TSTD2: variants seen among roughly 807,000 people sequenced by gnomAD.
TSTD2 encodes the protein thiosulfate sulfurtransferase like domain containing 2, also known as thiosulfate sulfurtransferase/rhodanese-like domain-containing protein 2.
In TSTD2, 37 loss-of-function variants were observed where a neutral mutation model predicts 47.9. The observed-to-expected ratio is 0.77, with a 90% CI of 0.59 to 1.02. TSTD2 has a LOEUF of 1.02. Ranked by LOEUF, TSTD2 falls within the 50% of genes least tolerant of loss-of-function variation. The pLI is 0.00. For synonymous variants in TSTD2, 201 were observed against 215.9 expected, an observed-to-expected ratio of 0.93 and a Z score of 0.61; for missense variants, 586 against 616.0, an observed-to-expected ratio of 0.95 and a Z score of 0.52.
At chr9:97,617,899 C>G (rs1205422761) in intron 3 of TSTD2, 22 bp from the exon 4 acceptor site, 11 of 1,602,356 alleles carry the variant, frequency 6.9e-6, no homozygotes, top group African/African-American at 1.3e-5. Flanking sequence ...AAATCCAAGG[C>G]AAAGAGCATT....
intron 4 of TSTD2, 84 bp downstream of exon 4, chr9:97,617,673 T>C: frequency 6.8e-7 from 1 of 1,467,558 alleles, no homozygotes; most frequent in Non-Finnish European, 9.1e-7. Context: ...GTGAATCTTT[T>C]TTATAATGAG....
At chr9:97,627,719 A>G in intron 1 of TSTD2, 107 bp from the exon 2 acceptor site, 1 of 657,220 alleles carries the variant, frequency 1.5e-6, no homozygotes, top group South Asian at 2.3e-5. Context: ...AGCCCAAGCT[A>G]ACCATCCATT....
At chr9:97,632,025 G>C (rs531739016) in intron 1 of TSTD2, among the ~76,000 whole-genome samples, 1 of 152,134 alleles carries the variant, frequency 6.6e-6, no homozygotes, top group African/African-American at 2.4e-5. Flanking sequence ...AGCGCCAAGA[G>C]AGCAGGGGTT....
intron 8 of TSTD2, 80 bp from the exon 9 acceptor site, chr9:97,604,945 G>A (rs1826340807): frequency 3.8e-6 from 6 of 1,565,978 alleles, no homozygotes; most frequent in Admixed American, 1.8e-5. Context: ...GGCGCATGGC[G>A]AGGAGTGCTG....
intron 6 of TSTD2, among the ~76,000 whole-genome samples, chr9:97,608,828 C>G (rs1826410649): frequency 6.6e-6 from 1 of 152,206 alleles, no homozygotes; most frequent in South Asian, 2.1e-4. Context: ...GCATGAGTCT[C>G]TTTCCCAGAT....
intron 3 of TSTD2, among the ~76,000 whole-genome samples, chr9:97,623,878 CACAA>C (rs1472685590): frequency 2.0e-5 from 3 of 151,880 alleles, no homozygotes; most frequent in Non-Finnish European, 2.9e-5. Flanking sequence ...GAAAAAACCT[CACAA>C]ACAATGTCAA....
chr9:97,622,489 A>G (rs1339082909), intron 3 of TSTD2, among the ~76,000 whole-genome samples: 1 of 152,250 alleles, frequency 6.6e-6, no homozygotes, highest in African/African-American at 2.4e-5. Flanking sequence ...CAGAGCCCCA[A>G]CACAGAGTTC....
rs1459378345 is a variant in TSTD2, at chr9:97,601,457, G to GAGTA, written c.*1008_*1011dup. 1 of 1,014,350 alleles carries GAGTA rather than the reference G, an allele frequency of 9.9e-7. No individual in the cohort carries two copies. Among genetic ancestry groups the GAGTA allele is most frequent in the Non-Finnish European group, 1.2e-6 (1 of 846,946 alleles). The allele number at this position is 1,014,350 out of a possible 1,614,324, so 62.8% of individuals were successfully genotyped here. On this transcript the variant is annotated 3_prime_UTR_variant, in exon 10 of 10. Coordinates refer to ENST00000341170, the MANE Select transcript of TSTD2 (RefSeq NM_139246.5). ...CAGAGAGAACATTTAAAAGCTCAGA[G>GAGTA]AGTAAGTGCTGGGGAAAGCAGAGCT...
intron 6 of TSTD2, among the ~76,000 whole-genome samples, chr9:97,606,687 G>A (rs1033535301): frequency 3.9e-5 from 6 of 152,182 alleles, no homozygotes; most frequent in South Asian, 2.1e-4. Context: ...GGGCAAGTAC[G>A]TGGCTGACTA....
At position 97,633,291 on chromosome 9, in the gene TSTD2, G is replaced by A. The variant is rs1826875853; in HGVS notation, c.-99C>T. The A allele has an allele frequency of 3.7e-6, 1 of 269,676 alleles. No individual in the cohort carries two copies. The allele number at this position is 269,676 out of a possible 1,614,324, so 16.7% of individuals were successfully genotyped here. A position where few individuals can be genotyped will look rare whatever the true frequency, so the allele number is the denominator to read the frequency against. On this transcript the variant is annotated 5_prime_UTR_variant, in exon 1 of 10. Transcript: ENST00000341170. ...GGTCTCTCTTCCCTGCACTGTCTCC[G>A]CCTAGCAATTGTCACTGCTCACCGC... is the stretch of plus-strand genomic sequence containing the variant.
intron 9 of TSTD2, 69 bp downstream of exon 9, chr9:97,604,658 A>AT (rs780645995): frequency 1.2e-6 from 2 of 1,602,392 alleles, no homozygotes; most frequent in South Asian, 1.1e-5. Flanking sequence ...TCCCTGTGTC[A>AT]TTTTTCTAGA....
At chr9:97,611,801 A>G (rs1283541391) in intron 4 of TSTD2, 102 bp from the exon 5 acceptor site, 2 of 1,239,060 alleles carry the variant, frequency 1.6e-6, no homozygotes, top group African/African-American at 3.0e-5. Flanking sequence ...TTTAACAGGA[A>G]AAGCAGAGAC....
At position 97,600,445 on chromosome 9, in the gene TSTD2, G is replaced by A; in HGVS notation, c.*2024C>T. On this transcript the variant is annotated 3_prime_UTR_variant, in exon 10 of 10. Coordinates refer to ENST00000341170, the MANE Select transcript of TSTD2 (RefSeq NM_139246.5). ...GATTTATGTACAATTTAATACTGGA[G>A]TTAGAACTTTTTCCTTATTGAATGC... The A allele has an allele frequency of 1.0e-6, 1 of 985,620 alleles. No homozygotes were observed. The highest frequency in any genetic ancestry group is 1.2e-6 in the Non-Finnish European group (1 of 830,072). 61.1% of individuals were successfully genotyped at this position (985,620 alleles called of 1,614,324 possible).
chr9:97,618,768 A>G (rs1826584163), intron 3 of TSTD2, among the ~76,000 whole-genome samples: 1 of 152,176 alleles, frequency 6.6e-6, no homozygotes, highest in South Asian at 2.1e-4. Flanking sequence ...TTAAGGTCCT[A>G]TCCAGCTCTG....
In TSTD2 at chr9:97,621,143, C is replaced by T. The variant is rs1160919508; in HGVS notation, c.483-3266G>A. On this transcript the variant is annotated intron_variant, in intron 3 of 9. Transcript: ENST00000341170. ...AGATTTCATGGACATTTATTAGTTC[C>T]CCAAATTAATACTTTTATAATTTAT... 4.6e-5 allele frequency among the ~76,000 whole-genome samples: 7 copies of T among 152,264 alleles called. No homozygotes were observed. In the East Asian group the frequency reaches 1.4e-3, roughly 29 times the overall value.
At chr9:97,603,728 C>T (rs1308878209) in intron 9 of TSTD2, among the ~76,000 whole-genome samples, 1 of 152,200 alleles carries the variant, frequency 6.6e-6, no homozygotes, top group African/African-American at 2.4e-5. Flanking sequence ...GAGACAGGGT[C>T]TTGCTGTGTC....
chr9:97,622,229 G>C (rs1254281313), intron 3 of TSTD2, among the ~76,000 whole-genome samples: 1 of 152,230 alleles, frequency 6.6e-6, no homozygotes. Flanking sequence ...AGCCACTCTA[G>C]CTGTGACCGA....
In TSTD2 at chr9:97,611,518, T is replaced by G. The variant is rs1431105889; in HGVS notation, c.729+56A>C. 5.2e-6 allele frequency: 8 copies of G among 1,525,924 alleles called. No homozygotes were observed. The Admixed American group carries it at 1.1e-4, about 20-fold the overall frequency. The allele number at this position is 1,525,924 out of a possible 1,614,324, so 94.5% of individuals were successfully genotyped here. On this transcript the variant is annotated intron_variant, in intron 5 of 9. Transcript: ENST00000341170. The stretch of plus-strand genomic sequence containing the variant: ...TACTTTGAACTCCTCTTCAATAACA[T>G]GCACAGAGGCAGAAGCAGATGGCTC...
chr9:97,629,020 A>G (rs1231594000), intron 1 of TSTD2, among the ~76,000 whole-genome samples: 1 of 152,220 alleles, frequency 6.6e-6, no homozygotes, highest in Non-Finnish European at 1.5e-5. Flanking sequence ...TCATATTACT[A>G]GTGAACTGGC....
Sources: gnomAD v4.1 joint callset for allele counts (sites outside exome capture counted in the v4.1 genomes callset) on GRCh38, gnomAD v4.1.1 for gene constraint, MANE v1.5 for transcripts, NCBI Gene and HGNC (gene_info 2026-07-23, HGNC 2026-07-21) for gene names.